Variants in CNTNAP5 observed in about 807,000 individuals in gnomAD.
The protein encoded by CNTNAP5 is contactin associated protein family member 5.
A neutral mutation model predicts 150.2 loss-of-function variants in CNTNAP5; 72 were observed. The ratio of observed to expected loss-of-function variants is 0.48; its 90% CI spans 0.40 to 0.58. The LOEUF is 0.58. CNTNAP5 is among the 20% of genes least tolerant of loss of function. The pLI is 0.00. For missense variants in CNTNAP5, 1,636 were observed against 1,626.2 expected, an observed-to-expected ratio of 1.01 and a Z score of -0.10; for synonymous variants, 672 against 619.8, an observed-to-expected ratio of 1.08 and a Z score of -1.25.
rs1016360435 is a variant in CNTNAP5 at position 124,702,263 on chromosome 2, G to C, written c.2078-44966G>C. Among the ~76,000 whole-genome samples the C allele has an allele frequency of 1.1e-4, 16 of 143,872 alleles. 1 individual carries two copies. The Admixed American group carries it at 1.2e-3, about 11-fold the overall frequency. 94.4% of individuals were successfully genotyped at this position (143,872 alleles called of 152,430 possible). A position where few individuals can be genotyped will look rare whatever the true frequency, so the allele number is the denominator to read the frequency against. ...TGAGTGGTCAAATTTGTTGTCATCC[G>C]ATTTACATTAAGCATAAGTACTTCT... On this transcript the variant is annotated intron_variant, in intron 13 of 23. Transcript: ENST00000682447.
chr2:124,740,013 G>A (rs967331019), intron 13 of CNTNAP5, among the ~76,000 whole-genome samples: 7 of 151,338 alleles, frequency 4.6e-5, no homozygotes, highest in African/African-American at 1.2e-4. Flanking sequence ...CCTTTCACAG[G>A]ATACAGTTAA....
chr2:124,337,384 C>T (rs1689500013), intron 3 of CNTNAP5, among the ~76,000 whole-genome samples: 1 of 152,100 alleles, frequency 6.6e-6, no homozygotes, highest in African/African-American at 2.4e-5. Flanking sequence ...TTAATTAGAT[C>T]CCATTTGTCA....
intron 11 of CNTNAP5, among the ~76,000 whole-genome samples, chr2:124,599,186 C>A (rs1043639560): frequency 6.6e-6 from 1 of 152,192 alleles, no homozygotes; most frequent in African/African-American, 2.4e-5. Context: ...ATATTTAAAT[C>A]TCTGATTCAA....
chr2:124,084,924 G>GTTTTTTTTTTTT (rs71394021), intron 1 of CNTNAP5, among the ~76,000 whole-genome samples: 38,635 of 89,864 alleles, frequency 0.43, 12,685 homozygotes, highest in South Asian at 0.63. Context: ...CAAGTTTCCT[G>GTTTTTTTTTTTT]TTTTTTTTTT....
At chr2:124,415,852 T>A (rs1465104612) in intron 3 of CNTNAP5, among the ~76,000 whole-genome samples, 2 of 152,152 alleles carry the variant, frequency 1.3e-5, no homozygotes, top group Non-Finnish European at 2.9e-5. Context: ...GCTACGTATA[T>A]TTACTCCAAT....
At chr2:124,897,215 C>T (rs1237426292) in intron 21 of CNTNAP5, among the ~76,000 whole-genome samples, 2 of 151,432 alleles carry the variant, frequency 1.3e-5, no homozygotes, top group Non-Finnish European at 2.9e-5. Context: ...GTACATTTTC[C>T]TGAAAGTTCT....
chr2:124,868,585 C>T (rs1307757695), intron 20 of CNTNAP5, among the ~76,000 whole-genome samples: 1 of 152,122 alleles, frequency 6.6e-6, no homozygotes. Context: ...TTATTCTTGC[C>T]TGCATTATTT....
At chr2:124,794,341 G>A (rs1681799310) in intron 18 of CNTNAP5, among the ~76,000 whole-genome samples, 1 of 152,184 alleles carries the variant, frequency 6.6e-6, no homozygotes, top group South Asian at 2.1e-4. Context: ...GGGAAGCGCA[G>A]GACTCTTTCA....
intron 3 of CNTNAP5, among the ~76,000 whole-genome samples, chr2:124,251,310 A>G (rs1687169868): frequency 6.6e-6 from 1 of 150,780 alleles, no homozygotes; most frequent in African/African-American, 2.4e-5. Context: ...AAGTATTGGA[A>G]GTACAGAGAA....
intron 10 of CNTNAP5, among the ~76,000 whole-genome samples, chr2:124,541,178 G>GGTTTTTTTTTTTTTTTTTTTTTTTT (rs1477319002): frequency 3.6e-5 from 1 of 27,578 alleles, no homozygotes; most frequent in Non-Finnish European, 6.5e-5. Flanking sequence ...ACAAAATTCC[G>GGTTTTTTTTTTTTTTTTTTTTTTTT]ATTTTTTTTT....
At chr2:124,573,649 A>T (rs1696214400) in intron 11 of CNTNAP5, among the ~76,000 whole-genome samples, 1 of 152,246 alleles carries the variant, frequency 6.6e-6, no homozygotes, top group Non-Finnish European at 1.5e-5. Flanking sequence ...AATCAACAGA[A>T]GATTAATTGC....
chr2:124,802,397 G>T (rs1441467389), intron 19 of CNTNAP5, among the ~76,000 whole-genome samples: 1 of 152,124 alleles, frequency 6.6e-6, no homozygotes, highest in Non-Finnish European at 1.5e-5. Context: ...TGGTTAAACT[G>T]CTGCTATCTT....
At chr2:124,553,865 T>A (rs1366307440) in intron 10 of CNTNAP5, among the ~76,000 whole-genome samples, 3 of 152,098 alleles carry the variant, frequency 2.0e-5, no homozygotes, top group African/African-American at 7.2e-5. Context: ...CTCCCGGGCA[T>A]TTGTGCAGAG....
intron 3 of CNTNAP5, among the ~76,000 whole-genome samples, chr2:124,398,554 T>C (rs1487654440): frequency 6.6e-6 from 1 of 152,038 alleles, no homozygotes; most frequent in African/African-American, 2.4e-5. Flanking sequence ...TGGAGTACAA[T>C]GGCCTGATCT....
At chr2:124,413,498 T>G (rs370003281) in intron 3 of CNTNAP5, among the ~76,000 whole-genome samples, 49 of 133,254 alleles carry the variant, frequency 3.7e-4, no homozygotes, top group African/African-American at 1.3e-3. Flanking sequence ...CCAACAATGA[T>G]AGACTGGATT....
At chr2:124,826,838 G>C (rs2104675795) in intron 19 of CNTNAP5, among the ~76,000 whole-genome samples, 1 of 152,282 alleles carries the variant, frequency 6.6e-6, no homozygotes. Flanking sequence ...ACCTCTTCCT[G>C]AAGATCCTGT....
At chr2:124,346,934 A>AAAAAG (rs1689751098) in intron 3 of CNTNAP5, among the ~76,000 whole-genome samples, 2 of 149,826 alleles carry the variant, frequency 1.3e-5, no homozygotes, top group Admixed American at 6.7e-5. Context: ...AAAAAAAAAA[A>AAAAAG]TAGCTGGGCA....
chr2:124,808,442 G>T (rs879728507), intron 19 of CNTNAP5, among the ~76,000 whole-genome samples: 1 of 151,882 alleles, frequency 6.6e-6, no homozygotes, highest in Non-Finnish European at 1.5e-5. Context: ...ACAAGAATTT[G>T]TCGGGCGTGA....
chr2:124,045,354 A>C (rs1404089155), intron 1 of CNTNAP5, among the ~76,000 whole-genome samples: 1 of 150,074 alleles, frequency 6.7e-6, no homozygotes, highest in Non-Finnish European at 1.5e-5. Context: ...GCTGGAGAGC[A>C]ATGGTGCAAT....
Sources: gnomAD v4.1 joint callset for allele counts (sites outside exome capture counted in the v4.1 genomes callset) on GRCh38, gnomAD v4.1.1 for gene constraint, MANE v1.5 for transcripts, NCBI Gene and HGNC (gene_info 2026-07-23, HGNC 2026-07-21) for gene names.